The following STXBP4 variants were observed in gnomAD, a reference collection of about 807,000 sequenced individuals.
The protein encoded by STXBP4 is syntaxin binding protein 4, also known as syntaxin-binding protein 4.
Under a neutral mutation model 76.1 loss-of-function variants are expected in STXBP4, and 55 were observed. The observed-to-expected ratio is 0.72, with a 90% CI of 0.58 to 0.91. STXBP4 has a LOEUF of 0.91. Ranked by LOEUF, STXBP4 falls within the 40% of genes least tolerant of loss-of-function variation. STXBP4 has a pLI of 0.00. For synonymous variants in STXBP4, 201 were observed against 220.2 expected (o/e 0.91, Z 0.77); for missense variants, 618 against 636.9 (o/e 0.97, Z 0.32).
chr17:55,104,851 C>A, intron 16 of STXBP4, among the ~76,000 whole-genome samples: 1 of 152,116 alleles, frequency 6.6e-6, no homozygotes, highest in Non-Finnish European at 1.5e-5. Flanking sequence ...CTGGTTTAGA[C>A]TTGGAAGGGT....
At chr17:55,038,145 T>G (rs992177838) in intron 10 of STXBP4, among the ~76,000 whole-genome samples, 1 of 152,182 alleles carries the variant, frequency 6.6e-6, no homozygotes, top group Admixed American at 6.6e-5. Flanking sequence ...CTGATAATGA[T>G]GGCTTGTCTT....
intron 16 of STXBP4, among the ~76,000 whole-genome samples, chr17:55,115,224 A>G (rs77286422): frequency 0.012 from 1,755 of 152,002 alleles, 34 homozygotes; most frequent in African/African-American, 0.039. Context: ...AGTATCTTGC[A>G]GTAAATCAAC....
At chr17:55,046,140 G>T (rs1262454372) in intron 11 of STXBP4, among the ~76,000 whole-genome samples, 1 of 151,974 alleles carries the variant, frequency 6.6e-6, no homozygotes, top group African/African-American at 2.4e-5. Context: ...CTTTGCAAAG[G>T]TGAATGGAAA....
At chr17:55,012,881 A>T (rs2078139294) in intron 8 of STXBP4, among the ~76,000 whole-genome samples, 1 of 152,202 alleles carries the variant, frequency 6.6e-6, no homozygotes, top group African/African-American at 2.4e-5. Flanking sequence ...TTGAGAAATT[A>T]TTTGTTGACA....
At chr17:54,979,899 T>C (rs1229748751) in intron 1 of STXBP4, among the ~76,000 whole-genome samples, 1 of 152,134 alleles carries the variant, frequency 6.6e-6, no homozygotes, top group East Asian at 1.9e-4. Flanking sequence ...AATATAAAAG[T>C]ACTCTGGCAA....
At chr17:55,041,234 T>G (rs542238371) in intron 10 of STXBP4, among the ~76,000 whole-genome samples, 39 of 148,522 alleles carry the variant, frequency 2.6e-4, no homozygotes, top group African/African-American at 8.7e-4. Context: ...TAAACTTTTT[T>G]TTTTTTTTTT....
intron 8 of STXBP4, among the ~76,000 whole-genome samples, chr17:55,024,625 T>C (rs1437211779): frequency 6.6e-6 from 1 of 152,152 alleles, no homozygotes; most frequent in Admixed American, 6.5e-5. Context: ...GAAACAATGG[T>C]GTAACTAGAC....
intron 12 of STXBP4, among the ~76,000 whole-genome samples, chr17:55,071,971 C>G (rs1250515355): frequency 6.6e-6 from 1 of 152,222 alleles, no homozygotes; most frequent in Non-Finnish European, 1.5e-5. Flanking sequence ...TCCTGGGGGA[C>G]TGTCTTTGAC....
the STXBP4 span, among the ~76,000 whole-genome samples, chr17:55,192,300 A>G: frequency 1.3e-5 from 2 of 152,194 alleles, no homozygotes; most frequent in South Asian, 2.1e-4. Flanking sequence ...ACTCACAGGT[A>G]TCCTGGAACC....
the STXBP4 span, among the ~76,000 whole-genome samples, chr17:55,208,637 A>C: frequency 7.8e-6 from 1 of 128,888 alleles, no homozygotes; most frequent in Non-Finnish European, 1.7e-5. Context: ...AAAGGAGAGG[A>C]GTAAGAATAC....
At chr17:55,127,060 A>G (rs1431149306) in intron 16 of STXBP4, among the ~76,000 whole-genome samples, 1 of 152,212 alleles carries the variant, frequency 6.6e-6, no homozygotes, top group Non-Finnish European at 1.5e-5. Context: ...TGACAAATGT[A>G]GACAGCTGCA....
At chr17:55,159,152 C>T (rs1036536715) in intron 17 of STXBP4, among the ~76,000 whole-genome samples, 3 of 152,022 alleles carry the variant, frequency 2.0e-5, no homozygotes, top group Non-Finnish European at 4.4e-5. Flanking sequence ...GGCTGAGGCA[C>T]GAGAATTCCT....
chr17:55,105,596 A>C (rs2079624372), intron 16 of STXBP4, among the ~76,000 whole-genome samples: 1 of 150,898 alleles, frequency 6.6e-6, no homozygotes, highest in South Asian at 2.1e-4. Flanking sequence ...CAGCCTCCCA[A>C]GTAGCTGGGA....
chr17:55,037,500 A>T (rs554430812), intron 10 of STXBP4, among the ~76,000 whole-genome samples: 6 of 152,128 alleles, frequency 3.9e-5, no homozygotes, highest in Admixed American at 1.3e-4. Flanking sequence ...TTAAAAAAAA[A>T]ATATGTTCAA....
chr17:55,047,020 A>T, intron 11 of STXBP4, 69 bp from the exon 12 acceptor site: 1 of 868,542 alleles, frequency 1.2e-6, no homozygotes, highest in Non-Finnish European at 1.9e-6. Context: ...CCTTGAAACA[A>T]GGGACTAAGA....
chr17:54,968,884 T>G (rs1047616309), intron 1 of STXBP4, 69 bp downstream of exon 1: 3 of 465,976 alleles, frequency 6.4e-6, no homozygotes, highest in South Asian at 3.2e-5. Context: ...TCTTAACATT[T>G]AGGAAAATGC....
At chr17:55,004,417 A>G (rs2077971095) in intron 7 of STXBP4, among the ~76,000 whole-genome samples, 1 of 152,046 alleles carries the variant, frequency 6.6e-6, no homozygotes, top group Admixed American at 6.5e-5. Context: ...AAAATCCGAG[A>G]GAGGCCAGGC....
At chr17:55,007,046 T>G (rs1404489242) in intron 7 of STXBP4, among the ~76,000 whole-genome samples, 2 of 152,062 alleles carry the variant, frequency 1.3e-5, no homozygotes, top group Non-Finnish European at 2.9e-5. Context: ...TTAAAAAAAT[T>G]ATGAAAACTT....
chr17:55,068,342 G>C (rs2079078705), intron 12 of STXBP4, among the ~76,000 whole-genome samples: 1 of 152,076 alleles, frequency 6.6e-6, no homozygotes, highest in African/African-American at 2.4e-5. Flanking sequence ...TTGACATTTT[G>C]AAAGATTTAC....
Sources: gnomAD v4.1 joint callset for allele counts (sites outside exome capture counted in the v4.1 genomes callset) on GRCh38, gnomAD v4.1.1 for gene constraint, MANE v1.5 for transcripts, NCBI Gene and HGNC (gene_info 2026-07-23, HGNC 2026-07-21) for gene names.